ARL15: variants seen among roughly 807,000 people sequenced by gnomAD.
The protein encoded by ARL15 is ADP-ribosylation factor-like protein 15.
ARL15 carries 19 observed loss-of-function variants against 25.2 expected under a neutral mutation model. The ratio of observed to expected loss-of-function variants is 0.75; its 90% CI spans 0.53 to 1.10. The LOEUF (loss-of-function observed/expected upper bound fraction) is 1.10. Ranked by LOEUF, ARL15 falls within the 50% of genes least tolerant of loss-of-function variation. The probability of loss-of-function intolerance (pLI) is 0.00; values close to 1 mark genes in which losing one functional copy is unlikely to be tolerated. For missense variants in ARL15, 220 were observed against 246.0 expected (o/e 0.89, Z 0.71); for synonymous variants, 94 against 86.8 (o/e 1.08, Z -0.46).
intron 1 of ARL15, among the ~76,000 whole-genome samples, chr5:54,310,072 A>G (rs1396170668): frequency 6.6e-6 from 1 of 151,920 alleles, no homozygotes; most frequent in African/African-American, 2.4e-5. Context: ...AGAGAGGAAA[A>G]CTCCTGCTCC....
At chr5:54,060,152 AC>A (rs1254218589) in intron 4 of ARL15, among the ~76,000 whole-genome samples, 24 of 142,520 alleles carry the variant, frequency 1.7e-4, no homozygotes, top group African/African-American at 2.2e-4. Context: ...AAAAAAAAAA[AC>A]CCCGGGTGCG....
chr5:54,153,531 T>C (rs1443393300), intron 3 of ARL15, among the ~76,000 whole-genome samples: 1 of 152,196 alleles, frequency 6.6e-6, no homozygotes, highest in African/African-American at 2.4e-5. Flanking sequence ...TGTTTTATAA[T>C]TTTTGGAGTC....
chr5:54,218,948 A>G (rs1044849244), intron 1 of ARL15, among the ~76,000 whole-genome samples: 2 of 150,812 alleles, frequency 1.3e-5, no homozygotes, highest in Non-Finnish European at 2.9e-5. Flanking sequence ...ATTTTGGTCT[A>G]TGGATTTTAA....
At chr5:54,225,970 A>G (rs763518099) in intron 1 of ARL15, among the ~76,000 whole-genome samples, 30 of 152,264 alleles carry the variant, frequency 2.0e-4, no homozygotes, top group Non-Finnish European at 3.8e-4. Flanking sequence ...CTTTCCCAGG[A>G]GCAGTGAGGT....
intron 1 of ARL15, among the ~76,000 whole-genome samples, chr5:54,201,622 T>G (rs1444054172): frequency 1.3e-5 from 2 of 152,072 alleles, no homozygotes; most frequent in Non-Finnish European, 2.9e-5. Context: ...TTCTTAGTAA[T>G]TTTCCATCTA....
chr5:54,152,807 T>G (rs1754108144), intron 3 of ARL15, among the ~76,000 whole-genome samples: 1 of 152,236 alleles, frequency 6.6e-6, no homozygotes, highest in Non-Finnish European at 1.5e-5. Flanking sequence ...GGAACAGCTC[T>G]TTCGGCAAAA....
intron 1 of ARL15, among the ~76,000 whole-genome samples, chr5:54,249,859 C>A (rs1323947988): frequency 6.6e-6 from 1 of 152,092 alleles, no homozygotes; most frequent in African/African-American, 2.4e-5. Flanking sequence ...CAATTGGCAG[C>A]CTGCCAGGAG....
At chr5:54,065,540 C>A (rs190852578) in intron 4 of ARL15, among the ~76,000 whole-genome samples, 1 of 109,100 alleles carries the variant, frequency 9.2e-6, no homozygotes. Flanking sequence ...GTGGCATGCA[C>A]CTGTAGTCCC....
intron 1 of ARL15, among the ~76,000 whole-genome samples, chr5:54,236,582 G>C (rs771009648): frequency 1.3e-5 from 2 of 152,146 alleles, no homozygotes; most frequent in African/African-American, 4.8e-5. Context: ...ATGTCTTCAA[G>C]TCAACAACTT....
At chr5:53,910,631 A>AT (rs1225255832) in intron 4 of ARL15, among the ~76,000 whole-genome samples, 2 of 90,590 alleles carry the variant, frequency 2.2e-5, no homozygotes, top group African/African-American at 8.4e-5. Context: ...AATAAAAAAA[A>AT]ATTATATATA....
At chr5:54,088,877 G>A (rs1269965500) in intron 4 of ARL15, among the ~76,000 whole-genome samples, 1 of 152,200 alleles carries the variant, frequency 6.6e-6, no homozygotes, top group Non-Finnish European at 1.5e-5. Flanking sequence ...GCAAATTCAG[G>A]ATGGGACCAA....
intron 4 of ARL15, among the ~76,000 whole-genome samples, chr5:53,967,211 A>AG (rs1211527242): frequency 3.9e-5 from 6 of 152,160 alleles, no homozygotes; most frequent in Non-Finnish European, 8.8e-5. Flanking sequence ...ATTTTTGTTT[A>AG]TTTGTATTTT....
At chr5:54,180,018 G>GAA (rs11336058) in intron 1 of ARL15, among the ~76,000 whole-genome samples, 4 of 110,026 alleles carry the variant, frequency 3.6e-5, no homozygotes, top group Non-Finnish European at 3.7e-5. Flanking sequence ...ACTGTCTCGA[G>GAA]AAAAAAAAAA....
At chr5:54,090,263 A>G (rs1752091619) in intron 4 of ARL15, among the ~76,000 whole-genome samples, 2 of 152,218 alleles carry the variant, frequency 1.3e-5, no homozygotes, top group South Asian at 4.1e-4. Flanking sequence ...CCATAGCCTC[A>G]GAGATGAGTA....
chr5:53,997,520 A>T (rs1748720398), intron 4 of ARL15, among the ~76,000 whole-genome samples: 1 of 152,144 alleles, frequency 6.6e-6, no homozygotes, highest in Non-Finnish European at 1.5e-5. Flanking sequence ...TTCAATAATG[A>T]TCCAAATGGC....
At chr5:54,131,349 C>T (rs1753429341) in intron 3 of ARL15, among the ~76,000 whole-genome samples, 1 of 152,154 alleles carries the variant, frequency 6.6e-6, no homozygotes, top group African/African-American at 2.4e-5. Flanking sequence ...CCCTTACACC[C>T]TTCATGCTTC....
At chr5:53,912,188 G>A (rs1424112641) in intron 4 of ARL15, 1 of 152,014 alleles carries the variant, frequency 6.6e-6, no homozygotes, top group Non-Finnish European at 1.5e-5. Context: ...AGTCCATTGA[G>A]GAAAGTACTA....
intron 1 of ARL15, 43 bp downstream of exon 1, chr5:54,310,389 C>T: frequency 6.3e-7 from 1 of 1,591,832 alleles, no homozygotes; most frequent in Non-Finnish European, 8.6e-7. Flanking sequence ...ATCGGGCACG[C>T]CGAGATCCGA....
At chr5:53,916,701 T>C (rs1177381502) in intron 4 of ARL15, among the ~76,000 whole-genome samples, 1 of 152,068 alleles carries the variant, frequency 6.6e-6, no homozygotes, top group Admixed American at 6.6e-5. Flanking sequence ...GGGAATCTTG[T>C]ATGAAACAAG....
Sources: allele counts gnomAD v4.1 joint callset (sites outside exome capture counted in the v4.1 genomes callset), GRCh38; gene constraint gnomAD v4.1.1; transcripts MANE v1.5; gene names NCBI Gene and HGNC (gene_info 2026-07-23, HGNC 2026-07-21).